KIF20B: variants seen among roughly 807,000 people sequenced by gnomAD.
The protein encoded by KIF20B is kinesin family member 20B.
KIF20B carries 188 observed loss-of-function variants against 232.5 expected under a neutral mutation model. The observed-to-expected ratio is 0.81, with a 90% CI of 0.72 to 0.91. The LOEUF (loss-of-function observed/expected upper bound fraction) is 0.91. Ranked by LOEUF, KIF20B falls within the 40% of genes least tolerant of loss-of-function variation. KIF20B has a pLI of 0.00. For missense variants in KIF20B, 2,154 were observed against 2,055.9 expected, an observed-to-expected ratio of 1.05 and a Z score of -0.92; for synonymous variants, 712 against 683.0, an observed-to-expected ratio of 1.04 and a Z score of -0.66.
intron 14 of KIF20B, 70 bp downstream of exon 14, chr10:89,724,173 TTAGTTTAC>T: frequency 7.8e-7 from 1 of 1,279,704 alleles, no homozygotes; most frequent in Non-Finnish European, 1.0e-6. Flanking sequence ...TTTTTTTTAC[TTAGTTTAC>T]TTTTTATATT....
chr10:89,715,098 T>C lies in KIF20B; in HGVS notation c.856T>C (p.Leu286=), dbSNP rs762933017. ...FEIYNEYIYD[L]FVPVSSKFQK... ...AATTTACAATGAATATATTTATGAC[T>C]TATTTGTTCCTGTATCATCTAAATT... The change falls in exon 8 of 33, where the codon TTA becomes CTA. Residue 286 remains leucine, a synonymous_variant. Coordinates refer to ENST00000371728, the MANE Select transcript of KIF20B (RefSeq NM_001284259.2). 22 of 1,609,204 alleles carry C rather than the reference T, an allele frequency of 1.4e-5. No homozygotes were observed. The highest frequency in any genetic ancestry group is 1.1e-4 in the South Asian group (10 of 89,688).
chr10:89,729,880 T>C (rs1432966275), intron 18 of KIF20B, among the ~76,000 whole-genome samples: 1 of 152,208 alleles, frequency 6.6e-6, no homozygotes, highest in East Asian at 1.9e-4. Flanking sequence ...AATTATTCTT[T>C]TATTTAGAAA....
rs367727797 is a variant in KIF20B at position 89,738,068 on chromosome 10, A to G, written c.3227A>G (p.His1076Arg). ...GTGAAGGCCTCTTCCAAAAAAAGTCATCAGATTGAGGAACTGGAACAACAA... is the reference window on the plus strand; with the variant it reads ...GTGAAGGCCTCTTCCAAAAAAAGTCGTCAGATTGAGGAACTGGAACAACAA... Reference protein sequence around the residue: ...EIVKASSKKSHQIEELEQQIE... With the variant: ...EIVKASSKKSRQIEELEQQIE... Residue 1076 changes from histidine (H) to arginine (R), a missense_variant, in exon 20 of 33, where the codon CAT (histidine) becomes CGT (arginine). Transcript: ENST00000371728. 1.4e-5 allele frequency: 22 copies of G among 1,613,338 alleles called. No individual in the cohort carries two copies. The African/African-American group carries it at 2.8e-4, about 21-fold the overall frequency.
chr10:89,719,642 T>C lies in KIF20B; in HGVS notation c.1658T>C (p.Leu553Pro), dbSNP rs140167608. 50 of 1,612,874 alleles carry C rather than the reference T, an allele frequency of 3.1e-5. No homozygotes were observed. The highest frequency in any genetic ancestry group is 4.0e-5 in the Non-Finnish European group (47 of 1,179,378). ...ACTCAAAATGTGGAAACTAAACTTC[T>C]TGATGAAGATCTAGATAAAACATTA... is the stretch of plus-strand genomic sequence containing the variant. The part of the protein sequence containing the change: ...EETQNVETKL[L>P]DEDLDKTLEE... Residue 553 changes from leucine to proline, a missense_variant, in exon 13 of 33, where the codon CTT (leucine) becomes CCT (proline). Transcript: ENST00000371728.
chr10:89,747,685 A>C (rs189068844), intron 23 of KIF20B, among the ~76,000 whole-genome samples: 1 of 151,106 alleles, frequency 6.6e-6, no homozygotes, highest in African/African-American at 2.4e-5. Context: ...GAATTGAACA[A>C]TGAGAGCACA....
In KIF20B at chr10:89,718,857, C is replaced by A. The variant is rs187127378; in HGVS notation, c.1419C>A (p.Ser473=). ...YDETLNVLKF[S]AIAQKVCVPD... is the part of the protein sequence containing the mutation. ...AAACACTCAATGTATTGAAGTTCTC[C>A]GCCATTGCACAAAAAGTAAATATTT... Residue 473 remains serine, a synonymous_variant, in exon 12 of 33, where the codon TCC becomes TCA. Transcript: ENST00000371728. The A allele has an allele frequency of 5.8e-6, 9 of 1,543,026 alleles. No homozygotes were observed. The highest frequency in any genetic ancestry group is 7.9e-6 in the Non-Finnish European group (9 of 1,146,244).
chr10:89,737,340 T>A, intron 19 of KIF20B, 47 bp from the exon 20 acceptor site: 1 of 1,420,012 alleles, frequency 7.0e-7, no homozygotes, highest in Non-Finnish European at 9.2e-7. Context: ...GACTTTTTGG[T>A]TTTATTAAGG....
chr10:89,705,525 C>A, intron 2 of KIF20B, 84 bp downstream of exon 2: 1 of 1,228,592 alleles, frequency 8.1e-7, no homozygotes, highest in Non-Finnish European at 1.1e-6. Context: ...TTTTGTATTA[C>A]CTGTTTTTGT....
At chr10:89,754,489 A>C (rs1485191385) in intron 25 of KIF20B, 29 bp from the exon 26 acceptor site, 2 of 1,438,866 alleles carry the variant, frequency 1.4e-6, no homozygotes, top group East Asian at 4.9e-5. Flanking sequence ...TAGGCATGCG[A>C]TAATAACTTA....
chr10:89,734,405 G>T (rs1841599356), intron 19 of KIF20B, among the ~76,000 whole-genome samples: 1 of 151,968 alleles, frequency 6.6e-6, no homozygotes, highest in Non-Finnish European at 1.5e-5. Context: ...GAGTGAAACT[G>T]TGTCTAAAAA....
chr10:89,705,457 G>C lies in KIF20B; in HGVS notation c.147+16G>C. ...AAATACTGAGGTAAGTACAAGAAAA[G>C]TATTGTGTTGATTATCATGCCTCCT... On this transcript the variant is annotated intron_variant, in intron 2 of 32. Coordinates refer to ENST00000371728, the MANE Select transcript of KIF20B (RefSeq NM_001284259.2). 6.2e-7 allele frequency: 1 copy of C among 1,611,012 alleles called. No individual in the cohort carries two copies.
intron 15 of KIF20B, among the ~76,000 whole-genome samples, chr10:89,725,361 CCT>C (rs1843160549): frequency 7.0e-6 from 1 of 143,238 alleles, no homozygotes; most frequent in African/African-American, 2.5e-5. Context: ...AAAATTTATA[CCT>C]CTGTTATATA....
chr10:89,743,918 G>A lies in KIF20B; in HGVS notation c.4026G>A (p.Gln1342=). 1 of 1,585,404 alleles carries A rather than the reference G, an allele frequency of 6.3e-7. No homozygotes were observed. Among genetic ancestry groups the A allele is most frequent in the East Asian group, 2.3e-5 (1 of 43,174 alleles). Residue 1342 remains glutamine, a synonymous_variant, in exon 22 of 33, where the codon CAG becomes CAA. Coordinates refer to ENST00000371728, the MANE Select transcript of KIF20B (RefSeq NM_001284259.2). ...QELDMKQRTI[Q]QLKEQLNNQK... Reference sequence around the variant, plus strand: ...TAGATATGAAACAGCGAACCATTCAGCAACTCAAGGTAAACAGTTTTGTTT... The same window carrying A: ...TAGATATGAAACAGCGAACCATTCAACAACTCAAGGTAAACAGTTTTGTTT...
chr10:89,720,809 G>A (rs1056497955), intron 13 of KIF20B, among the ~76,000 whole-genome samples: 1 of 152,108 alleles, frequency 6.6e-6, no homozygotes, highest in Non-Finnish European at 1.5e-5. Flanking sequence ...GGGTTCAAGC[G>A]ATTCTCCTGC....
At chr10:89,701,946 C>CT (rs1842619119) in intron 1 of KIF20B, among the ~76,000 whole-genome samples, 1 of 152,226 alleles carries the variant, frequency 6.6e-6, no homozygotes, top group Non-Finnish European at 1.5e-5. Flanking sequence ...CATTTAATCT[C>CT]TCTCTGTACC....
At chr10:89,735,287 GT>G (rs1841624613) in intron 19 of KIF20B, among the ~76,000 whole-genome samples, 1 of 152,006 alleles carries the variant, frequency 6.6e-6, no homozygotes, top group Non-Finnish European at 1.5e-5. Context: ...AACATATGTG[GT>G]ATAGTTAAGT....
At chr10:89,736,293 T>A (rs1276409038) in intron 19 of KIF20B, among the ~76,000 whole-genome samples, 3 of 152,172 alleles carry the variant, frequency 2.0e-5, no homozygotes, top group Non-Finnish European at 4.4e-5. Flanking sequence ...TATAAAAAGA[T>A]ATGTAGATAT....
At chr10:89,715,435 A>G (rs1437177507) in intron 8 of KIF20B, among the ~76,000 whole-genome samples, 1 of 142,790 alleles carries the variant, frequency 7.0e-6, no homozygotes, top group African/African-American at 2.8e-5. Context: ...AAAGCTGTGT[A>G]TGGTTATGTT....
chr10:89,731,502 T>C (rs924992363), intron 18 of KIF20B, among the ~76,000 whole-genome samples: 2 of 152,198 alleles, frequency 1.3e-5, no homozygotes, highest in Non-Finnish European at 2.9e-5. Flanking sequence ...AGGGTCACTG[T>C]TCCACATCTT....
Sources: allele counts gnomAD v4.1 joint callset (sites outside exome capture counted in the v4.1 genomes callset), GRCh38; gene constraint gnomAD v4.1.1; transcripts MANE v1.5; gene names NCBI Gene and HGNC (gene_info 2026-07-23, HGNC 2026-07-21).